ATG4C: variants seen among roughly 807,000 people sequenced by gnomAD.
The protein encoded by ATG4C is autophagy related 4C cysteine peptidase.
In ATG4C, 56 loss-of-function variants were observed where a neutral mutation model predicts 57.6. The observed-to-expected ratio is 0.97, with a 90% CI of 0.78 to 1.21. The LOEUF (loss-of-function observed/expected upper bound fraction) is 1.21. ATG4C is among the 50% of genes most tolerant of loss of function. ATG4C has a pLI of 0.00. For synonymous variants in ATG4C, 157 were observed against 174.1 expected (o/e 0.90, Z 0.78); for missense variants, 595 against 529.8 (o/e 1.12, Z -1.21).
chr1:62,802,445 A>G (rs369790397), intron 1 of ATG4C, among the ~76,000 whole-genome samples: 12 of 151,574 alleles, frequency 7.9e-5, no homozygotes, highest in East Asian at 5.8e-4. Context: ...TCAACTAGTA[A>G]GTATACATAA....
chr1:62,810,884 A>G (rs181574601), intron 3 of ATG4C, among the ~76,000 whole-genome samples: 9 of 152,254 alleles, frequency 5.9e-5, no homozygotes, highest in South Asian at 4.1e-4. Flanking sequence ...TTTGAAATCT[A>G]TTTCTAACTG....
chr1:62,855,059 G>T (rs1666642104), intron 10 of ATG4C, among the ~76,000 whole-genome samples: 1 of 151,848 alleles, frequency 6.6e-6, no homozygotes, highest in South Asian at 2.1e-4. Flanking sequence ...GGGATGGCTG[G>T]AGAGGGGGGT....
chr1:62,863,013 A>G (rs2100372428), intron 10 of ATG4C, among the ~76,000 whole-genome samples: 1 of 152,124 alleles, frequency 6.6e-6, no homozygotes, highest in South Asian at 2.1e-4. Flanking sequence ...CTGCTTACCT[A>G]TTGAAAATTT....
At chr1:62,839,339 A>G (rs551662996) in intron 9 of ATG4C, among the ~76,000 whole-genome samples, 144 of 152,318 alleles carry the variant, frequency 9.5e-4, no homozygotes, top group African/African-American at 2.9e-3. Context: ...CACAGGCATG[A>G]GCCTGACTCA....
chr1:62,787,829 G>T (rs2100272550), intron 1 of ATG4C, among the ~76,000 whole-genome samples: 1 of 151,742 alleles, frequency 6.6e-6, no homozygotes, highest in Admixed American at 6.6e-5. Context: ...TAAAATACTT[G>T]GTACAGATTT....
At chr1:62,841,698 CCATTTGAGGAATCTTAG>C in intron 10 of ATG4C, 151 bp downstream of exon 10, 1 of 694,080 alleles carries the variant, frequency 1.4e-6, no homozygotes, top group Non-Finnish European at 2.2e-6. Flanking sequence ...AAAAATAAAG[CCATTTGAGGAATCTTAG>C]CGTTTGAGGC....
chr1:62,811,083 A>G (rs1474545437), intron 3 of ATG4C, among the ~76,000 whole-genome samples: 1 of 152,064 alleles, frequency 6.6e-6, no homozygotes, highest in Non-Finnish European at 1.5e-5. Flanking sequence ...TTCCCTTTCT[A>G]TTTGAAGGCA....
intron 1 of ATG4C, among the ~76,000 whole-genome samples, chr1:62,799,753 C>T (rs1333596736): frequency 2.0e-5 from 3 of 152,102 alleles, no homozygotes; most frequent in East Asian, 3.8e-4. Context: ...AGCATATATC[C>T]TTTGTATTAC....
intron 10 of ATG4C, among the ~76,000 whole-genome samples, chr1:62,860,147 T>TA (rs1557997971): frequency 2.0e-5 from 3 of 152,156 alleles, no homozygotes; most frequent in African/African-American, 7.2e-5. Flanking sequence ...TCAATACCAC[T>TA]ATCTTCTACC....
intron 10 of ATG4C, among the ~76,000 whole-genome samples, chr1:62,843,523 A>C (rs200732733): frequency 1.3e-5 from 2 of 152,304 alleles, no homozygotes; most frequent in East Asian, 1.9e-4. Context: ...TTAAAAATTA[A>C]AATAACTTAA....
chr1:62,802,397 G>A (rs533636278), intron 1 of ATG4C, among the ~76,000 whole-genome samples: 7 of 151,660 alleles, frequency 4.6e-5, no homozygotes, highest in Middle Eastern at 3.4e-3. Context: ...AATGCTCATT[G>A]GAGCATTTTG....
intron 6 of ATG4C, among the ~76,000 whole-genome samples, chr1:62,827,430 G>A (rs180901950): frequency 6.6e-6 from 1 of 152,034 alleles, no homozygotes; most frequent in African/African-American, 2.4e-5. Flanking sequence ...TTCTCATAAG[G>A]TCTTCCCTGG....
intron 6 of ATG4C, among the ~76,000 whole-genome samples, chr1:62,824,132 A>C (rs1665571286): frequency 6.6e-6 from 1 of 152,174 alleles, no homozygotes; most frequent in East Asian, 1.9e-4. Context: ...CATATACCTT[A>C]CATATATATT....
intron 6 of ATG4C, among the ~76,000 whole-genome samples, chr1:62,822,024 T>G (rs1216575426): frequency 2.0e-5 from 3 of 152,144 alleles, no homozygotes; most frequent in African/African-American, 7.2e-5. Flanking sequence ...CCTGTAGTAA[T>G]TTTGAAACTT....
At chr1:62,839,146 A>G (rs1266423081) in intron 9 of ATG4C, among the ~76,000 whole-genome samples, 1 of 152,152 alleles carries the variant, frequency 6.6e-6, no homozygotes, top group Non-Finnish European at 1.5e-5. Flanking sequence ...GGCACCTCAA[A>G]CTCCTGGGCT....
In ATG4C at chr1:62,816,631, G is replaced by T. The variant is rs764351534; in HGVS notation, c.217G>T (p.Ala73Ser). 1.2e-6 allele frequency: 2 copies of T among 1,613,750 alleles called. No homozygotes were observed. The highest frequency in any genetic ancestry group is 1.7e-6 in the Non-Finnish European group (2 of 1,179,814). Residue 73 changes from alanine to serine, a missense_variant, in exon 4 of 11, where the codon GCA becomes TCA. Coordinates refer to ENST00000317868, the MANE Select transcript of ATG4C (RefSeq NM_032852.4). Reference sequence around the variant, plus strand: ...ATGTACAATAGAGGATCACGTAATTGCAGGAAATGTAGAAGAATTTCGTAA... The same window carrying T: ...ATGTACAATAGAGGATCACGTAATTTCAGGAAATGTAGAAGAATTTCGTAA... ...SGCTIEDHVI[A>S]GNVEEFRKDF...
At chr1:62,809,218 C>T (rs533696636) in intron 3 of ATG4C, among the ~76,000 whole-genome samples, 16 of 152,110 alleles carry the variant, frequency 1.1e-4, no homozygotes, top group African/African-American at 3.6e-4. Flanking sequence ...GGATTACAAG[C>T]TTGAGCCACC....
intron 1 of ATG4C, among the ~76,000 whole-genome samples, chr1:62,802,753 C>G (rs889884607): frequency 2.0e-5 from 3 of 152,136 alleles, no homozygotes; most frequent in African/African-American, 7.2e-5. Flanking sequence ...CTTTTTTAGA[C>G]ATCTCATGCC....
chr1:62,796,817 A>G (rs1664484024), intron 1 of ATG4C, among the ~76,000 whole-genome samples: 1 of 152,116 alleles, frequency 6.6e-6, no homozygotes. Context: ...CTTAGATGCC[A>G]ACATTATGGG....
Sources: gnomAD v4.1 joint callset for allele counts (sites outside exome capture counted in the v4.1 genomes callset) on GRCh38, gnomAD v4.1.1 for gene constraint, MANE v1.5 for transcripts, NCBI Gene and HGNC (gene_info 2026-07-23, HGNC 2026-07-21) for gene names.